Variants in SUN5 observed in about 807,000 individuals in gnomAD.
SUN5 encodes SUN domain-containing protein 5.
A neutral mutation model predicts 53.7 loss-of-function variants in SUN5; 44 were observed. That is an observed-to-expected ratio of 0.82 (90% CI 0.64 to 1.05). The LOEUF is 1.05. Among genes scored for constraint, SUN5 ranks in the 50% least tolerant of loss-of-function variants. The probability of loss-of-function intolerance (pLI) is 0.00; values close to 1 mark genes in which losing one functional copy is unlikely to be tolerated. For missense variants in SUN5, 433 were observed against 483.8 expected (o/e 0.90, Z 0.98); for synonymous variants, 166 against 179.8 (o/e 0.92, Z 0.62).
At chr20:32,998,215 G>C (rs142002258) in intron 5 of SUN5, among the ~76,000 whole-genome samples, 1 of 149,324 alleles carries the variant, frequency 6.7e-6, no homozygotes, top group Non-Finnish European at 1.5e-5. Flanking sequence ...AAATTAGCCC[G>C]GTGTGGTGCA....
Position 32,997,630 on chromosome 20 carries a change from A to C in SUN5, c.390+8T>G, listed in dbSNP as rs1425811925. ...CAGCTGTGGGGCCTGAGGAGGGTGC[A>C]CACTCACCTGCCAGACTTTCATTTT... On this transcript the variant is annotated splice_region_variant and intron_variant, in intron 6 of 12. Transcript: ENST00000356173. The C allele has an allele frequency of 1.7e-5, 28 of 1,614,040 alleles. No homozygotes were observed. Among genetic ancestry groups the C allele is most frequent in the Non-Finnish European group, 2.3e-5 (27 of 1,179,944 alleles).
At chr20:32,996,303 T>G (rs1299712153) in intron 7 of SUN5, 21 bp downstream of exon 7, 1 of 1,612,458 alleles carries the variant, frequency 6.2e-7, no homozygotes, top group East Asian at 2.2e-5. Context: ...ATAATATGGT[T>G]ACCCAGAAGA....
At chr20:32,988,558 C>T (rs1042819939) in intron 9 of SUN5, among the ~76,000 whole-genome samples, 4 of 151,922 alleles carry the variant, frequency 2.6e-5, no homozygotes, top group African/African-American at 7.3e-5. Flanking sequence ...CTTATTCTTC[C>T]GGAAGCACTG....
At position 33,003,615 on chromosome 20, in the gene SUN5, C is replaced by G. The variant is rs1007980953; in HGVS notation, c.77+649G>C. Among the ~76,000 whole-genome samples, 3 of 152,108 alleles carry G rather than the reference C, an allele frequency of 2.0e-5. No homozygotes were observed. In the East Asian group the frequency reaches 5.8e-4, roughly 29 times the overall value. On this transcript the variant is annotated intron_variant, in intron 1 of 12. Transcript: ENST00000356173. ...ATTTCTTAAGTCAAAGGTCTTTAAA[C>G]ATTTTTGTTTATACCACCTCAGAGT...
chr20:33,002,838 CCA>C, intron 2 of SUN5, 21 bp downstream of exon 2: 1 of 1,613,804 alleles, frequency 6.2e-7, no homozygotes, highest in Non-Finnish European at 8.5e-7. Flanking sequence ...CATGAAAATA[CCA>C]GGGCACCTGT....
rs1255192593 is a variant in SUN5, at chr20:32,995,626, G to A, written c.527C>T (p.Ser176Phe). The change falls in exon 8 of 13, where the codon TCC becomes TTC. Residue 176 changes from serine (S) to phenylalanine (F), a missense_variant. Transcript: ENST00000356173. The part of the protein sequence containing the change: ...IAKLQEMEAM[S>F]DEQKMAQKIM... ...GAATGGCCAGCGTCTCACCTCATCGGACATGGCTTCCATCTCCTGGAGCTT... is the reference window on the plus strand; with the variant it reads ...GAATGGCCAGCGTCTCACCTCATCGAACATGGCTTCCATCTCCTGGAGCTT... The A allele has an allele frequency of 6.2e-7, 1 of 1,614,076 alleles. No homozygotes were observed. Among genetic ancestry groups the A allele is most frequent in the Non-Finnish European group, 8.5e-7 (1 of 1,179,956 alleles).
chr20:32,993,850 G>T (rs1421679781), intron 8 of SUN5, among the ~76,000 whole-genome samples: 1 of 152,234 alleles, frequency 6.6e-6, no homozygotes, highest in Non-Finnish European at 1.5e-5. Context: ...TACTGATGAT[G>T]CAGGCACGTG....
chr20:32,997,287 A>T (rs1470396557), intron 6 of SUN5, among the ~76,000 whole-genome samples: 1 of 152,186 alleles, frequency 6.6e-6, no homozygotes, highest in Non-Finnish European at 1.5e-5. Flanking sequence ...AATGAGTATC[A>T]TTGCTGTTAA....
At position 32,989,674 on chromosome 20, in the gene SUN5, T is replaced by C. The variant is rs901768513; in HGVS notation, c.559A>G (p.Lys187Glu). 6.2e-7 allele frequency: 1 copy of C among 1,613,996 alleles called. No individual in the cohort carries two copies. Among genetic ancestry groups the C allele is most frequent in the Admixed American group, 1.7e-5 (1 of 60,008 alleles). Residue 187 changes from lysine to glutamate, a missense_variant, in exon 9 of 13, where the codon AAG becomes GAG. Coordinates refer to ENST00000356173, the MANE Select transcript of SUN5 (RefSeq NM_080675.4). Reference protein sequence around the residue: ...DEQKMAQKIMKMIHGDYIEKP... With the variant: ...DEQKMAQKIMEMIHGDYIEKP... ...TCGATGTAATCTCCGTGTATCATCTTCATTATTTTCTGGGCCATTTTTTGC... is the reference window on the plus strand; with the variant it reads ...TCGATGTAATCTCCGTGTATCATCTCCATTATTTTCTGGGCCATTTTTTGC...
chr20:32,988,652 G>T (rs1221909946), intron 9 of SUN5, among the ~76,000 whole-genome samples: 1 of 152,006 alleles, frequency 6.6e-6, no homozygotes, highest in African/African-American at 2.4e-5. Context: ...GCAGTGGCGC[G>T]ATCCTGGCTC....
chr20:33,003,079 C>T (rs2146342708), intron 1 of SUN5, among the ~76,000 whole-genome samples, 160 bp from the exon 2 acceptor site: 1 of 152,298 alleles, frequency 6.6e-6, no homozygotes, highest in East Asian at 1.9e-4. Context: ...CTGGCTGACC[C>T]CAAATCCAGG....
At chr20:32,996,249 G>T in intron 7 of SUN5, 75 bp downstream of exon 7, 1 of 1,475,704 alleles carries the variant, frequency 6.8e-7, no homozygotes, top group Non-Finnish European at 9.4e-7. Context: ...TATATTTGTA[G>T]CCAATACACC....
chr20:33,002,106 T>C, intron 3 of SUN5, among the ~76,000 whole-genome samples: 1 of 152,002 alleles, frequency 6.6e-6, no homozygotes, highest in East Asian at 1.9e-4. Context: ...GACTCAGAAT[T>C]GACAGGAAGG....
intron 9 of SUN5, among the ~76,000 whole-genome samples, chr20:32,988,843 C>T (rs1254638885): frequency 6.6e-6 from 1 of 152,086 alleles, no homozygotes; most frequent in East Asian, 1.9e-4. Flanking sequence ...CCTTCCTCGG[C>T]CTCCCAAAGT....
rs1990096249 is a variant in SUN5, at chr20:33,003,071, G to C, written c.78-152C>G. The stretch of plus-strand genomic sequence containing the variant: ...GTGATTCAGGGACAGACCCAGGTCT[G>C]GCTGACCCCAAATCCAGGTATCCAT... On this transcript the variant is annotated intron_variant, in intron 1 of 12. Transcript: ENST00000356173. The C allele has an allele frequency of 5.9e-6, 5 of 842,456 alleles. No individual in the cohort carries two copies. In the East Asian group the frequency reaches 1.3e-4, roughly 22 times the overall value. The allele number at this position is 842,456 out of a possible 1,614,324, so 52.2% of individuals were successfully genotyped here. A position where few individuals can be genotyped will look rare whatever the true frequency, so the allele number is the denominator to read the frequency against.
Position 32,998,803 on chromosome 20 carries a change from G to A in SUN5, c.341-1116C>T, listed in dbSNP as rs1168007371. Among the ~76,000 whole-genome samples the A allele has an allele frequency of 2.0e-5, 3 of 151,802 alleles. No homozygotes were observed. In the South Asian group the frequency reaches 6.3e-4, roughly 32 times the overall value. ...GGAGGCTGAGATACGATGGTTTGAG[G>A]CTGGGAGTTCTAGACCAAACCGGGC... On this transcript the variant is annotated intron_variant, in intron 5 of 12. Transcript: ENST00000356173.
chr20:32,989,554 C>A, intron 9 of SUN5, 66 bp downstream of exon 9: 1 of 1,435,518 alleles, frequency 7.0e-7, no homozygotes. Context: ...AGAACTGAAA[C>A]CCACCCTGTG....
chr20:32,994,698 A>G (rs978682183), intron 8 of SUN5, among the ~76,000 whole-genome samples: 3 of 152,206 alleles, frequency 2.0e-5, no homozygotes, highest in African/African-American at 4.8e-5. Context: ...CAGGAGTTCA[A>G]GACCAGCCAA....
At chr20:33,002,548 C>T (rs945805241) in intron 3 of SUN5, 39 bp downstream of exon 3, 1 of 1,606,178 alleles carries the variant, frequency 6.2e-7, no homozygotes, top group Admixed American at 1.7e-5. Context: ...TCCCCAGACC[C>T]ATATTGATGA....
Sources: allele counts gnomAD v4.1 joint callset (sites outside exome capture counted in the v4.1 genomes callset), GRCh38; gene constraint gnomAD v4.1.1; transcripts MANE v1.5; gene names NCBI Gene and HGNC (gene_info 2026-07-23, HGNC 2026-07-21).